Variants in GIGYF2 observed in about 807,000 individuals in gnomAD.
The protein encoded by GIGYF2 is GRB10-interacting GYF protein 2.
GIGYF2 carries 25 observed loss-of-function variants against 208.1 expected under a neutral mutation model. That is an observed-to-expected ratio of 0.12 (90% CI 0.09 to 0.17). The LOEUF is 0.17. Ranked by LOEUF, GIGYF2 falls within the 10% of genes least tolerant of loss-of-function variation. GIGYF2 has a pLI of 1.00. For synonymous variants in GIGYF2, 534 were observed against 543.8 expected, an observed-to-expected ratio of 0.98 and a Z score of 0.25; for missense variants, 1,302 against 1,579.4, an observed-to-expected ratio of 0.82 and a Z score of 2.98.
rs147692699 is a variant in GIGYF2 at position 232,717,112 on chromosome 2, C to T, written c.-44+13623C>T. On this transcript the variant is annotated intron_variant, in intron 2 of 28. Transcript: ENST00000373563. ...TACAGGCGTGAGCCACCATACTTGGCCTTGAAGTATTTGTAATTGCTAAAG... is the reference window on the plus strand; with the variant it reads ...TACAGGCGTGAGCCACCATACTTGGTCTTGAAGTATTTGTAATTGCTAAAG... 8.8e-3 allele frequency among the ~76,000 whole-genome samples: 1,346 copies of T among 152,128 alleles called. 35 individuals are homozygous for T. The highest frequency in any genetic ancestry group is 0.056 in the Admixed American group (851 of 15,270).
intron 2 of GIGYF2, chr2:232,705,785 C>A (rs1696079919): frequency 6.6e-6 from 1 of 152,526 alleles, no homozygotes; most frequent in South Asian, 2.1e-4. Flanking sequence ...CTCACTGCAA[C>A]CTCCGTTTCC....
intron 8 of GIGYF2, chr2:232,767,562 G>A (rs910495627): frequency 7.2e-5 from 11 of 153,804 alleles, no homozygotes; most frequent in African/African-American, 2.7e-4. Flanking sequence ...GAACATATAT[G>A]TATGTGTTCG....
In GIGYF2 at chr2:232,760,574, G is replaced by T. The variant is rs368804161; in HGVS notation, c.474G>T (p.Ser158=). 2.5e-6 allele frequency: 4 copies of T among 1,607,802 alleles called. No individual in the cohort carries two copies. The highest frequency in any genetic ancestry group is 3.4e-6 in the Non-Finnish European group (4 of 1,174,574). The part of the protein sequence containing the change: ...GRGGGREMHR[S]QSWEERGDRR... ...GAGGTGGCAGAGAAATGCATAGATC[G>T]CAGAGCTGGGAGGAAAGGTAACTGG... The change falls in exon 7 of 29, where the codon TCG becomes TCT. Residue 158 remains serine, a synonymous_variant. Transcript: ENST00000373563.
intron 2 of GIGYF2, among the ~76,000 whole-genome samples, chr2:232,733,189 G>A (rs967575759): frequency 1.3e-5 from 2 of 151,468 alleles, no homozygotes; most frequent in African/African-American, 2.4e-5. Flanking sequence ...CCCGGGAGGC[G>A]GAGCTTACAG....
At chr2:232,701,976 CAGAG>C (rs1394456995) in intron 1 of GIGYF2, among the ~76,000 whole-genome samples, 4 of 151,804 alleles carry the variant, frequency 2.6e-5, no homozygotes, top group Non-Finnish European at 4.4e-5. Flanking sequence ...GCCGGGGCAA[CAGAG>C]AGAGACCCCC....
chr2:232,791,523 C>A, intron 12 of GIGYF2, 77 bp downstream of exon 12: 1 of 1,236,164 alleles, frequency 8.1e-7, no homozygotes, highest in Non-Finnish European at 1.2e-6. Context: ...TAGGCTTCTG[C>A]TTATGCCTCC....
intron 12 of GIGYF2, among the ~76,000 whole-genome samples, chr2:232,792,301 C>A (rs1054310905): frequency 5.3e-5 from 8 of 152,172 alleles, no homozygotes; most frequent in Non-Finnish European, 1.2e-4. Context: ...CTTAAACAAC[C>A]AGGCTTATTT....
rs1434383700 is a variant in GIGYF2, at chr2:232,731,429, A to G, written c.-43-3726A>G. Among the ~76,000 whole-genome samples, 5 of 152,326 alleles carry G rather than the reference A, an allele frequency of 3.3e-5. No homozygotes were observed. The East Asian group carries it at 7.7e-4, about 23-fold the overall frequency. ...ATTATTCAATGCTCTAAAATCCTCTACGGGTTTGAGTTTAAAACATTTGGC... is the reference window on the plus strand; with the variant it reads ...ATTATTCAATGCTCTAAAATCCTCTGCGGGTTTGAGTTTAAAACATTTGGC... On this transcript the variant is annotated intron_variant, in intron 2 of 28. Coordinates refer to ENST00000373563, the MANE Select transcript of GIGYF2 (RefSeq NM_001103146.3).
intron 23 of GIGYF2, among the ~76,000 whole-genome samples, chr2:232,842,380 A>G (rs1473366380): frequency 6.6e-6 from 1 of 152,314 alleles, no homozygotes; most frequent in South Asian, 2.1e-4. Flanking sequence ...AATATATGCT[A>G]TATCAAACAT....
intron 6 of GIGYF2, chr2:232,760,032 G>A: frequency 6.0e-6 from 1 of 167,772 alleles, no homozygotes; most frequent in South Asian, 1.4e-4. Context: ...CTTTCTCTGG[G>A]ATTAGATAAA....
chr2:232,720,025 A>G lies in GIGYF2; in HGVS notation c.-43-15130A>G, dbSNP rs191609499. Among the ~76,000 whole-genome samples the G allele has an allele frequency of 1.2e-4, 19 of 152,224 alleles. No individual in the cohort carries two copies. The East Asian group carries it at 1.9e-3, about 15-fold the overall frequency. On this transcript the variant is annotated intron_variant, in intron 2 of 28. Coordinates refer to ENST00000373563, the MANE Select transcript of GIGYF2 (RefSeq NM_001103146.3). ...TTTGTTACATAGTTGTACATGTGCCATGTTGGTTTTCTGCACCCATTAACT... is the reference window on the plus strand; with the variant it reads ...TTTGTTACATAGTTGTACATGTGCCGTGTTGGTTTTCTGCACCCATTAACT...
At chr2:232,772,836 T>A (rs1574863939) in intron 8 of GIGYF2, among the ~76,000 whole-genome samples, 1 of 152,228 alleles carries the variant, frequency 6.6e-6, no homozygotes, top group East Asian at 1.9e-4. Flanking sequence ...TACAGACTTG[T>A]GGAGCTAGGT....
At chr2:232,749,936 G>A (rs1698277416) in intron 5 of GIGYF2, among the ~76,000 whole-genome samples, 1 of 152,110 alleles carries the variant, frequency 6.6e-6, no homozygotes, top group African/African-American at 2.4e-5. Context: ...TGTAATCCCA[G>A]CGCTTTGGGA....
At position 232,715,437 on chromosome 2, in the gene GIGYF2, C is replaced by T. The variant is rs532843157; in HGVS notation, c.-44+11948C>T. ...GAAAAGCCAGCAGTAATTGTAATTA[C>T]AGATAAGCAGTATCTGTAATTTTTT... is the stretch of plus-strand genomic sequence containing the variant. On this transcript the variant is annotated intron_variant, in intron 2 of 28. Coordinates refer to ENST00000373563, the MANE Select transcript of GIGYF2 (RefSeq NM_001103146.3). Among the ~76,000 whole-genome samples, 18 of 152,152 alleles carry T rather than the reference C, an allele frequency of 1.2e-4. No homozygotes were observed. The South Asian group carries it at 2.9e-3, about 25-fold the overall frequency.
At chr2:232,755,435 T>TG (rs1355442729) in intron 5 of GIGYF2, among the ~76,000 whole-genome samples, 34 of 152,362 alleles carry the variant, frequency 2.2e-4, no homozygotes, top group African/African-American at 7.9e-4. Flanking sequence ...CCCAAAGTGC[T>TG]GGGATTACAG....
chr2:232,743,153 G>T (rs1698032119), intron 3 of GIGYF2, among the ~76,000 whole-genome samples: 1 of 152,182 alleles, frequency 6.6e-6, no homozygotes, highest in Non-Finnish European at 1.5e-5. Context: ...AGAATTGGCA[G>T]TGTTGAGGTT....
intron 2 of GIGYF2, among the ~76,000 whole-genome samples, chr2:232,707,500 C>G (rs551527283): frequency 1.3e-5 from 2 of 152,290 alleles, no homozygotes; most frequent in South Asian, 4.1e-4. Context: ...ATGTGTGGTG[C>G]TGCTCAAACC....
At chr2:232,716,111 G>T (rs1696663854) in intron 2 of GIGYF2, among the ~76,000 whole-genome samples, 1 of 151,868 alleles carries the variant, frequency 6.6e-6, no homozygotes, top group Non-Finnish European at 1.5e-5. Flanking sequence ...TGTTACTATA[G>T]CTGTCTTTTG....
Position 232,729,791 on chromosome 2 carries a change from C to T in GIGYF2, c.-43-5364C>T, listed in dbSNP as rs184739622. ...ATCTATAAGATGGAAGACTTGGCAA[C>T]GAGTGCAGGTTTTTTGGCTTTCTTC... On this transcript the variant is annotated intron_variant, in intron 2 of 28. Transcript: ENST00000373563. 7.0e-4 allele frequency: 525 copies of T among 748,580 alleles called. 3 individuals carry two copies. The African/African-American group carries it at 7.2e-3, about 10-fold the overall frequency. The allele number at this position is 748,580 out of a possible 1,614,324, so 46.4% of individuals were successfully genotyped here. A position where few individuals can be genotyped will look rare whatever the true frequency, so the allele number is the denominator to read the frequency against.
Sources: allele counts gnomAD v4.1 joint callset (sites outside exome capture counted in the v4.1 genomes callset), GRCh38; gene constraint gnomAD v4.1.1; transcripts MANE v1.5; gene names NCBI Gene and HGNC (gene_info 2026-07-23, HGNC 2026-07-21).